The following FRK variants were observed in gnomAD, a reference collection of about 807,000 sequenced individuals.
The protein encoded by FRK is fyn related Src family tyrosine kinase.
Under a neutral mutation model 56.4 loss-of-function variants are expected in FRK, and 51 were observed. The observed-to-expected ratio is 0.90, with a 90% confidence interval of 0.72 to 1.14. The LOEUF (loss-of-function observed/expected upper bound fraction) is 1.14. FRK is among the 50% of genes most tolerant of loss of function. The probability of loss-of-function intolerance (pLI) is 0.00; values close to 1 mark genes in which losing one functional copy is unlikely to be tolerated. For missense variants in FRK, 570 were observed against 601.4 expected, an observed-to-expected ratio of 0.95 and a Z score of 0.55; for synonymous variants, 245 against 217.9, an observed-to-expected ratio of 1.12 and a Z score of -1.10.
rs1329938613 is a variant in FRK at position 115,932,216 on chromosome 6, T to C, written c.*10198A>G. On this transcript the variant is annotated 3_prime_UTR_variant, in exon 8 of 8. Transcript: ENST00000606080. ...TATATTTCTAAATTTCATAAATAAC[T>C]TGAGAGGCCTACTAACATCACTTTC... The C allele has an allele frequency of 6.6e-6, 1 of 152,206 alleles. No individual in the cohort carries two copies. The highest frequency in any genetic ancestry group is 1.5e-5 in the Non-Finnish European group (1 of 68,044). The allele number at this position is 152,206 out of a possible 1,614,324, so 9.4% of individuals were successfully genotyped here. A position where few individuals can be genotyped will look rare whatever the true frequency, so the allele number is the denominator to read the frequency against.
At chr6:116,023,792 A>G (rs1473116938) in intron 1 of FRK, among the ~76,000 whole-genome samples, 1 of 152,130 alleles carries the variant, frequency 6.6e-6, no homozygotes, top group African/African-American at 2.4e-5. Flanking sequence ...GAAATGTTCT[A>G]CATCATTATT....
intron 2 of FRK, among the ~76,000 whole-genome samples, chr6:115,969,225 A>G (rs1250635088): frequency 1.3e-5 from 2 of 152,212 alleles, no homozygotes; most frequent in Non-Finnish European, 2.9e-5. Flanking sequence ...ATACCGTCTT[A>G]CAATAATGCA....
At chr6:115,994,321 A>ACCCCCCCCCC (rs1422664378) in intron 2 of FRK, among the ~76,000 whole-genome samples, 1 of 47,774 alleles carries the variant, frequency 2.1e-5, no homozygotes, top group Non-Finnish European at 4.9e-5. Context: ...GAATCTCACA[A>ACCCCCCCCCC]CCTCCCCCCC....
the FRK span, among the ~76,000 whole-genome samples, chr6:116,071,534 G>C: frequency 2.6e-5 from 4 of 152,176 alleles, no homozygotes; most frequent in East Asian, 7.7e-4. Flanking sequence ...TGCCCAGTTC[G>C]TATCAGATGC....
intron 1 of FRK, among the ~76,000 whole-genome samples, chr6:116,041,732 C>A (rs535597744): frequency 2.1e-4 from 32 of 152,200 alleles, no homozygotes; most frequent in Admixed American, 6.5e-4. Context: ...CTACTCTTTT[C>A]CCACAGTCTC....
At chr6:116,038,845 G>A (rs764924012) in intron 1 of FRK, 1 of 530,580 alleles carries the variant, frequency 1.9e-6, no homozygotes, top group Non-Finnish European at 3.8e-6. Context: ...CTCTGAAGGC[G>A]GCCAAGGTGC....
chr6:116,089,286 C>T, the FRK span, among the ~76,000 whole-genome samples: 1 of 152,148 alleles, frequency 6.6e-6, no homozygotes, highest in Non-Finnish European at 1.5e-5. Flanking sequence ...TTCAAATTTC[C>T]CCCCACTCAG....
intron 2 of FRK, among the ~76,000 whole-genome samples, chr6:115,999,033 A>T (rs563889679): frequency 6.6e-6 from 1 of 152,314 alleles, no homozygotes; most frequent in East Asian, 1.9e-4. Context: ...GCTCAATTTT[A>T]GACCCTAAAG....
At chr6:116,004,784 G>A (rs1167561361) in intron 1 of FRK, among the ~76,000 whole-genome samples, 4 of 152,132 alleles carry the variant, frequency 2.6e-5, no homozygotes, top group African/African-American at 9.7e-5. Flanking sequence ...ACTGTCAAAT[G>A]TATATCATGT....
At chr6:116,028,992 GT>G (rs1165513308) in intron 1 of FRK, among the ~76,000 whole-genome samples, 1 of 152,094 alleles carries the variant, frequency 6.6e-6, no homozygotes, top group African/African-American at 2.4e-5. Flanking sequence ...CAGTTGAGAT[GT>G]GGGACCTGCC....
chr6:116,060,391 A>G lies in FRK; in HGVS notation c.-80T>C, dbSNP rs1777584795. On this transcript the variant is annotated 5_prime_UTR_variant, in exon 1 of 8. Coordinates refer to ENST00000606080, the MANE Select transcript of FRK (RefSeq NM_002031.3). Reference sequence around the variant, plus strand: ...GCGATCCACCTTATCTTCCTTCACCAGGCAACTTTGAAGTCAGCACCAACT... The same window carrying G: ...GCGATCCACCTTATCTTCCTTCACCGGGCAACTTTGAAGTCAGCACCAACT... 1.7e-6 allele frequency: 2 copies of G among 1,186,398 alleles called. No homozygotes were observed. The highest frequency in any genetic ancestry group is 2.4e-6 in the Non-Finnish European group (2 of 832,780). 73.5% of individuals were successfully genotyped at this position (1,186,398 alleles called of 1,614,324 possible). A position where few individuals can be genotyped will look rare whatever the true frequency, so the allele number is the denominator to read the frequency against.
Position 115,984,413 on chromosome 6 carries a change from T to C in FRK, c.467-15674A>G, listed in dbSNP as rs1017443532. Among the ~76,000 whole-genome samples, 60 of 152,114 alleles carry C rather than the reference T, an allele frequency of 3.9e-4. 1 individual carries two copies. The highest frequency in any genetic ancestry group is 2.9e-4 in the Non-Finnish European group (20 of 67,968). On this transcript the variant is annotated intron_variant, in intron 2 of 7. Transcript: ENST00000606080. ...GTGAATTCTCACATCAGTCCTGATA[T>C]GGGAAAGTGAAGCTGAGATGGCTTA... is the stretch of plus-strand genomic sequence containing the variant.
intron 1 of FRK, among the ~76,000 whole-genome samples, chr6:116,054,508 AT>A (rs1313056820): frequency 6.9e-6 from 1 of 145,108 alleles, no homozygotes; most frequent in Non-Finnish European, 1.5e-5. Context: ...CTATTATAAT[AT>A]TATACTATAT....
At chr6:116,051,765 G>T (rs1312093264) in intron 1 of FRK, among the ~76,000 whole-genome samples, 1 of 152,114 alleles carries the variant, frequency 6.6e-6, no homozygotes, top group Non-Finnish European at 1.5e-5. Flanking sequence ...AGAGAATGCT[G>T]CAGAGAAATT....
intron 1 of FRK, among the ~76,000 whole-genome samples, chr6:116,024,013 C>A (rs910979655): frequency 6.7e-6 from 1 of 150,192 alleles, no homozygotes; most frequent in African/African-American, 2.5e-5. Context: ...TCACAGAAAT[C>A]TTTTCATACA....
At chr6:116,034,803 T>C (rs1776408656) in intron 1 of FRK, among the ~76,000 whole-genome samples, 1 of 152,172 alleles carries the variant, frequency 6.6e-6, no homozygotes, top group Admixed American at 6.6e-5. Flanking sequence ...TTAGGAGAGA[T>C]TATTTTATAA....
chr6:116,092,107 G>A, the FRK span, among the ~76,000 whole-genome samples: 1 of 152,108 alleles, frequency 6.6e-6, no homozygotes, highest in South Asian at 2.1e-4. Context: ...ATGATTTCTA[G>A]TATAAACTTC....
chr6:116,081,599 T>C, the FRK span, among the ~76,000 whole-genome samples: 27,067 of 151,858 alleles, frequency 0.18, 2,874 homozygotes, highest in African/African-American at 0.29. Context: ...CAGAGGTTGC[T>C]GTGACCCGAG....
At chr6:115,974,922 C>T (rs1773938731) in intron 2 of FRK, among the ~76,000 whole-genome samples, 1 of 152,118 alleles carries the variant, frequency 6.6e-6, no homozygotes, top group Non-Finnish European at 1.5e-5. Flanking sequence ...GTAGAATTAT[C>T]TCTGTGAGGG....
Sources: allele counts gnomAD v4.1 joint callset (sites outside exome capture counted in the v4.1 genomes callset), GRCh38; gene constraint gnomAD v4.1.1; transcripts MANE v1.5; gene names NCBI Gene and HGNC (gene_info 2026-07-23, HGNC 2026-07-21).